SH2D4A: variants seen among roughly 807,000 people sequenced by gnomAD.
SH2D4A encodes SH2 domain containing 4A.
A neutral mutation model predicts 64.7 loss-of-function variants in SH2D4A; 70 were observed. The observed-to-expected ratio is 1.08, with a 90% CI of 0.89 to 1.32. The LOEUF is 1.32. Among genes scored for constraint, SH2D4A ranks in the 40% most tolerant of loss-of-function variants. The pLI, the probability that SH2D4A is intolerant of heterozygous loss-of-function variation, is 0.00. For missense variants in SH2D4A, 706 were observed against 540.1 expected (o/e 1.31, Z -3.04); for synonymous variants, 268 against 200.7 (o/e 1.34, Z -2.83).
chr8:19,385,213 G>T (rs11204036), intron 8 of SH2D4A, among the ~76,000 whole-genome samples: 1,736 of 140,434 alleles, frequency 0.012, 14 homozygotes, highest in African/African-American at 0.019. Context: ...CTGTTTTTTT[G>T]TTTTTTTTTT....
intron 4 of SH2D4A, among the ~76,000 whole-genome samples, chr8:19,343,158 C>T (rs2052555434): frequency 6.6e-6 from 1 of 152,088 alleles, no homozygotes; most frequent in Admixed American, 6.6e-5. Context: ...GGTGTAGTGG[C>T]TCATGCCTGC....
In SH2D4A at chr8:19,351,747, A is replaced by G. The variant is rs116305599; in HGVS notation, c.514-5456A>G. ...GGAGCTTTCTGGTTTATTTGGAATTAAAGACACTTGGCATTTGTTTGACTG... is the reference window on the plus strand; with the variant it reads ...GGAGCTTTCTGGTTTATTTGGAATTGAAGACACTTGGCATTTGTTTGACTG... On this transcript the variant is annotated intron_variant, in intron 4 of 9. Transcript: ENST00000265807. Among the ~76,000 whole-genome samples, 1,029 of 152,338 alleles carry G rather than the reference A, an allele frequency of 6.8e-3. 14 individuals are homozygous for G. The highest frequency in any genetic ancestry group is 0.023 in the African/African-American group (963 of 41,570).
chr8:19,344,767 G>A (rs2052585829), intron 4 of SH2D4A, among the ~76,000 whole-genome samples: 1 of 83,514 alleles, frequency 1.2e-5, no homozygotes, highest in Non-Finnish European at 2.3e-5. Flanking sequence ...AAGTGTTTCA[G>A]ATTTCAGCTT....
Position 19,394,627 on chromosome 8 carries a change from G to A in SH2D4A, c.1350G>A (p.Leu450=). 6.2e-7 allele frequency: 1 copy of A among 1,608,308 alleles called. No homozygotes were observed. Among genetic ancestry groups the A allele is most frequent in the Non-Finnish European group, 8.5e-7 (1 of 1,176,242 alleles). ...CGQQDQLPDY[L]ELFE ...AGCAGGACCAGCTGCCTGACTACCT[G>A]GAGCTGTTTGAGTGACAGCCTCCAT... The change falls in exon 10 of 10, where the codon CTG becomes CTA. Residue 450 remains leucine (L), a synonymous_variant. Transcript: ENST00000265807.
At chr8:19,372,350 A>G (rs1451111735) in intron 7 of SH2D4A, among the ~76,000 whole-genome samples, 2 of 152,184 alleles carry the variant, frequency 1.3e-5, no homozygotes, top group African/African-American at 4.8e-5. Flanking sequence ...GGAAGAACTC[A>G]AGGAGGGTAC....
intron 1 of SH2D4A, 80 bp from the exon 2 acceptor site, chr8:19,319,264 G>GC (rs2052143640): frequency 9.7e-7 from 1 of 1,029,526 alleles, no homozygotes; most frequent in South Asian, 4.8e-5. Flanking sequence ...TTTCCTCCTA[G>GC]CTTTTTTTTT....
intron 2 of SH2D4A, among the ~76,000 whole-genome samples, chr8:19,328,318 A>G (rs1443992558): frequency 2.0e-5 from 3 of 152,160 alleles, no homozygotes; most frequent in Non-Finnish European, 4.4e-5. Context: ...ATGGATTTCT[A>G]GTAAAAGTAA....
At chr8:19,334,569 C>T in intron 3 of SH2D4A, 117 bp from the exon 4 acceptor site, 2 of 1,104,192 alleles carry the variant, frequency 1.8e-6, no homozygotes, top group Non-Finnish European at 2.5e-6. Flanking sequence ...GTTAGAAGCA[C>T]TCAGTAAGTG....
chr8:19,322,125 A>T (rs2052200996), intron 2 of SH2D4A, among the ~76,000 whole-genome samples: 1 of 152,198 alleles, frequency 6.6e-6, no homozygotes, highest in Admixed American at 6.5e-5. Flanking sequence ...ACAGAAAGGG[A>T]AAAAGTTACT....
chr8:19,376,016 A>G (rs2053190160), intron 8 of SH2D4A, among the ~76,000 whole-genome samples: 1 of 152,060 alleles, frequency 6.6e-6, no homozygotes, highest in African/African-American at 2.4e-5. Context: ...TCCATCCCTC[A>G]GACACACCAC....
Position 19,333,049 on chromosome 8 carries a change from G to C in SH2D4A, c.276G>C (p.Val92=). 3 of 1,614,042 alleles carry C rather than the reference G, an allele frequency of 1.9e-6. 1 individual carries two copies. The highest frequency in any genetic ancestry group is 2.2e-5 in the South Asian group (2 of 91,068). Residue 92 remains valine (V), a synonymous_variant, in exon 3 of 10, where the codon GTG becomes GTC. Transcript: ENST00000265807. ...GEHHLDKPYD[V]LCNEIIAERA... is the part of the protein sequence containing the mutation. ...ACCATCTAGATAAACCCTATGATGT[G>C]CTCTGTAATGAAATTATTGCTGAGA... is the stretch of plus-strand genomic sequence containing the variant.
At chr8:19,334,955 C>A in intron 4 of SH2D4A, 98 bp downstream of exon 4, 1 of 1,374,756 alleles carries the variant, frequency 7.3e-7, no homozygotes, top group South Asian at 1.5e-5. Flanking sequence ...TCAGGATCCT[C>A]CAGTGGCTTT....
chr8:19,327,248 AT>A (rs2052296746), intron 2 of SH2D4A, among the ~76,000 whole-genome samples: 1 of 152,168 alleles, frequency 6.6e-6, no homozygotes, highest in African/African-American at 2.4e-5. Flanking sequence ...TATAAACATG[AT>A]TCAAGGACTG....
intron 7 of SH2D4A, among the ~76,000 whole-genome samples, chr8:19,365,757 T>G (rs1585187418): frequency 6.6e-6 from 1 of 152,154 alleles, no homozygotes; most frequent in African/African-American, 2.4e-5. Flanking sequence ...GGCTGGGACT[T>G]GACACAGGGA....
chr8:19,360,278 T>C (rs1174818771), intron 5 of SH2D4A, among the ~76,000 whole-genome samples: 1 of 151,940 alleles, frequency 6.6e-6, no homozygotes, highest in Non-Finnish European at 1.5e-5. Context: ...AAAGATGCTT[T>C]TGAAAAATAT....
chr8:19,334,195 A>G (rs2052404902), intron 3 of SH2D4A, among the ~76,000 whole-genome samples: 1 of 152,198 alleles, frequency 6.6e-6, no homozygotes, highest in Admixed American at 6.5e-5. Flanking sequence ...ACCACCGTTC[A>G]GTTCCCAAGG....
intron 2 of SH2D4A, among the ~76,000 whole-genome samples, chr8:19,320,054 T>C (rs369149753): frequency 1.7e-4 from 26 of 152,336 alleles, no homozygotes; most frequent in African/African-American, 5.8e-4. Flanking sequence ...TACTGGTTCC[T>C]AATATGCTAC....
At chr8:19,373,118 C>G (rs113629066) in intron 7 of SH2D4A, among the ~76,000 whole-genome samples, 2 of 152,030 alleles carry the variant, frequency 1.3e-5, no homozygotes, top group African/African-American at 4.8e-5. Flanking sequence ...GAACTTAAAT[C>G]TGTGTGTTAA....
intron 4 of SH2D4A, among the ~76,000 whole-genome samples, chr8:19,345,349 A>C (rs2117241157): frequency 6.6e-6 from 1 of 152,364 alleles, no homozygotes; most frequent in East Asian, 1.9e-4. Flanking sequence ...ATCTTAAAGC[A>C]ACACTCGATG....
Sources: allele counts gnomAD v4.1 joint callset (sites outside exome capture counted in the v4.1 genomes callset), GRCh38; gene constraint gnomAD v4.1.1; transcripts MANE v1.5; gene names NCBI Gene and HGNC (gene_info 2026-07-23, HGNC 2026-07-21).